Variants in ASIC1 observed in about 807,000 individuals in gnomAD.
ASIC1 encodes acid-sensing ion channel 1.
A neutral mutation model predicts 63.4 loss-of-function variants in ASIC1; 21 were observed. The ratio of observed to expected loss-of-function variants is 0.33; its 90% confidence interval spans 0.23 to 0.48. The LOEUF (loss-of-function observed/expected upper bound fraction) is 0.48. Among genes scored for constraint, ASIC1 ranks in the 20% least tolerant of loss-of-function variants. The probability of loss-of-function intolerance (pLI) is 0.99; values close to 1 mark genes in which losing one functional copy is unlikely to be tolerated. For missense variants in ASIC1, 478 were observed against 695.5 expected, an observed-to-expected ratio of 0.69 and a Z score of 3.52; for synonymous variants, 258 against 278.2, an observed-to-expected ratio of 0.93 and a Z score of 0.72.
In ASIC1 at chr12:50,081,951, A is replaced by G. The variant is rs974958768; in HGVS notation, c.*302A>G. On this transcript the variant is annotated 3_prime_UTR_variant, in exon 12 of 12. Transcript: ENST00000447966. ...CTAGCTCCCAGCCTGAATTCTGTCT[A>G]TCTAGCTGTCTGCCATCTGAGTGTC... 1.0e-5 allele frequency: 4 copies of G among 401,288 alleles called. No individual in the cohort carries two copies. In the Admixed American group the frequency reaches 1.3e-4, roughly 13 times the overall value. 24.9% of individuals were successfully genotyped at this position (401,288 alleles called of 1,614,324 possible).
intron 3 of ASIC1, among the ~76,000 whole-genome samples, chr12:50,062,678 A>G (rs1345091396): frequency 4.6e-5 from 7 of 152,160 alleles, no homozygotes; most frequent in Non-Finnish European, 4.4e-5. Flanking sequence ...CTTCTCAACA[A>G]TAAGAACCCT....
intron 4 of ASIC1, 77 bp downstream of exon 4, chr12:50,077,440 G>T (rs1565731734): frequency 2.5e-6 from 4 of 1,584,434 alleles, no homozygotes; most frequent in Admixed American, 3.6e-5. Flanking sequence ...GGGCTTCACT[G>T]TGAGACCTGG....
At chr12:50,077,041 C>A in intron 3 of ASIC1, 172 bp from the exon 4 acceptor site, 1 of 1,116,554 alleles carries the variant, frequency 9.0e-7, no homozygotes, top group Non-Finnish European at 1.3e-6. Context: ...ACACAGAGGG[C>A]AAGAAAGGGT....
At position 50,078,870 on chromosome 12, in the gene ASIC1, A is replaced by G; in HGVS notation, c.995-54A>G. 1 of 1,583,746 alleles carries G rather than the reference A, an allele frequency of 6.3e-7. No homozygotes were observed. Among genetic ancestry groups the G allele is most frequent in the Non-Finnish European group, 8.7e-7 (1 of 1,152,552 alleles). On this transcript the variant is annotated intron_variant, in intron 6 of 11. Coordinates refer to ENST00000447966, the MANE Select transcript of ASIC1 (RefSeq NM_001095.4). The surrounding 1 kb of genome is among the most constrained non-coding windows in gnomAD (Gnocchi z 6.0). ...CTTCTAGGCCTTTGGTACTACCACC[A>G]TCACCAGACCCCTTGAATTCCCATC...
Position 50,067,552 on chromosome 12 carries a change from A to G in ASIC1, c.558+7598A>G, listed in dbSNP as rs139459261. ...AGCCTCCTGAGTAGCTGGATTACAGATGCGTGCCACCATGCGCGGCTATTT... is the reference window on the plus strand; with the variant it reads ...AGCCTCCTGAGTAGCTGGATTACAGGTGCGTGCCACCATGCGCGGCTATTT... On this transcript the variant is annotated intron_variant, in intron 3 of 11. Transcript: ENST00000447966. Among the ~76,000 whole-genome samples, 514 of 151,966 alleles carry G rather than the reference A, an allele frequency of 3.4e-3. 19 individuals are homozygous for G. In the East Asian group the frequency reaches 0.087, roughly 26 times the overall value.
rs778975017 is a variant in ASIC1, at chr12:50,077,242, G to A, written c.588G>A (p.Thr196=). ...TCACACGCTATGGAAAGTGCTACAC[G>A]TTCAACTCGGGCCGAGATGGGCGGC... ...VVFTRYGKCY[T]FNSGRDGRPR... is the part of the protein sequence containing the mutation. Residue 196 remains threonine, a synonymous_variant, in exon 4 of 12, where the codon ACG becomes ACA. Transcript: ENST00000447966. 46 of 1,613,104 alleles carry A rather than the reference G, an allele frequency of 2.9e-5. No individual in the cohort carries two copies. The highest frequency in any genetic ancestry group is 6.6e-5 in the South Asian group (6 of 90,916).
At chr12:50,060,584 G>T (rs768455887) in intron 3 of ASIC1, among the ~76,000 whole-genome samples, 12 of 152,174 alleles carry the variant, frequency 7.9e-5, no homozygotes, top group Admixed American at 2.0e-4. Context: ...GGCAAGAGCC[G>T]CAGAGCCAGG....
rs1223927361 is a variant in ASIC1, at chr12:50,069,316, C to G, written c.559-7897C>G. 4.0e-5 allele frequency among the ~76,000 whole-genome samples: 6 copies of G among 150,248 alleles called. No individual in the cohort carries two copies. The East Asian group carries it at 1.2e-3, about 29-fold the overall frequency. On this transcript the variant is annotated intron_variant, in intron 3 of 11. Coordinates refer to ENST00000447966, the MANE Select transcript of ASIC1 (RefSeq NM_001095.4). ...TATTATTTAATTTATTTTTTTGAGACAGAATCTCGTTCTATTGCCTGGGCT... is the reference window on the plus strand; with the variant it reads ...TATTATTTAATTTATTTTTTTGAGAGAGAATCTCGTTCTATTGCCTGGGCT...
intron 11 of ASIC1, 33 bp from the exon 12 acceptor site, chr12:50,081,512 A>G (rs1232387354): frequency 6.1e-6 from 9 of 1,479,374 alleles, no homozygotes; most frequent in Middle Eastern, 1.8e-4. Flanking sequence ...CTTCCGAGGG[A>G]TAACCCGTCC....
At position 50,057,924 on chromosome 12, in the gene ASIC1, T is replaced by C. The variant is rs1253347319; in HGVS notation, c.-17+8T>C. The C allele has an allele frequency of 6.6e-6, 1 of 151,422 alleles. No homozygotes were observed. Among genetic ancestry groups the C allele is most frequent in the Non-Finnish European group, 1.5e-5 (1 of 67,860 alleles). The allele number at this position is 151,422 out of a possible 1,614,324, so 9.4% of individuals were successfully genotyped here. A position where few individuals can be genotyped will look rare whatever the true frequency, so the allele number is the denominator to read the frequency against. ...TTGCCGAAGCCCCCTCAGGTGGGTT[T>C]CCGATACCCCTGCCTTTGGCCGCGA... On this transcript the variant is annotated splice_region_variant and intron_variant, in intron 1 of 11. Coordinates refer to ENST00000447966, the MANE Select transcript of ASIC1 (RefSeq NM_001095.4). The surrounding 1 kb of genome is among the most constrained non-coding windows in gnomAD (Gnocchi z 4.7).
At chr12:50,066,180 A>G (rs1466863093) in intron 3 of ASIC1, among the ~76,000 whole-genome samples, 2 of 152,180 alleles carry the variant, frequency 1.3e-5, no homozygotes, top group African/African-American at 4.8e-5. Flanking sequence ...AATTCCCTTT[A>G]CTTTAGCTCA....
At position 50,077,115 on chromosome 12, in the gene ASIC1, G is replaced by A; in HGVS notation, c.559-98G>A. 1.9e-6 allele frequency: 3 copies of A among 1,576,764 alleles called. No homozygotes were observed. The South Asian group carries it at 3.3e-5, about 18-fold the overall frequency. On this transcript the variant is annotated intron_variant, in intron 3 of 11. Transcript: ENST00000447966. ...CTGCACGGGAGGAACCATTCCCAAA[G>A]GGTGTTGAGATTCCAACAGCTGGGG... is the stretch of plus-strand genomic sequence containing the variant.
intron 3 of ASIC1, among the ~76,000 whole-genome samples, chr12:50,075,863 G>A (rs932121761): frequency 6.6e-6 from 1 of 152,182 alleles, no homozygotes; most frequent in African/African-American, 2.4e-5. Flanking sequence ...AAGGATAACT[G>A]GTTTACTTTT....
rs1460128387 is a variant in ASIC1 at position 50,074,607 on chromosome 12, C to T, written c.559-2606C>T. Among the ~76,000 whole-genome samples, 1 of 152,178 alleles carries T rather than the reference C, an allele frequency of 6.6e-6. No individual in the cohort carries two copies. Among genetic ancestry groups the T allele is most frequent in the Non-Finnish European group, 1.5e-5 (1 of 68,040 alleles). The stretch of plus-strand genomic sequence containing the variant: ...TCCATCTGTGAGGTCAACCTTTGAT[C>T]TGTTGGTGGACGCCAGTGCCTGGCC... On this transcript the variant is annotated intron_variant, in intron 3 of 11. Transcript: ENST00000447966. The surrounding 1 kb of genome is among the most constrained non-coding windows in gnomAD (Gnocchi z 4.2).
chr12:50,078,698 T>A lies in ASIC1; in HGVS notation c.994+121T>A, dbSNP rs1165796706. On this transcript the variant is annotated intron_variant, in intron 6 of 11. Transcript: ENST00000447966. The surrounding 1 kb of genome is among the most constrained non-coding windows in gnomAD (Gnocchi z 6.0). The stretch of plus-strand genomic sequence containing the variant: ...CAGCCCACCCCATCCCACACCCACC[T>A]GGCTCATGTCTCTCTGACCTCAGTT... The A allele has an allele frequency of 6.8e-7, 1 of 1,469,280 alleles. No homozygotes were observed. The highest frequency in any genetic ancestry group is 9.4e-7 in the Non-Finnish European group (1 of 1,069,388). 91.0% of individuals were successfully genotyped at this position (1,469,280 alleles called of 1,614,324 possible).
Position 50,078,159 on chromosome 12 carries a change from TG to T in ASIC1, c.837+36del. ...GGGCCATGGGAGGCTGGTCCTGGGG[TG>T]GGGTATTGAGGGGTCCAGATGGAGT... On this transcript the variant is annotated intron_variant, in intron 5 of 11. Coordinates refer to ENST00000447966, the MANE Select transcript of ASIC1 (RefSeq NM_001095.4). The surrounding 1 kb of genome is among the most constrained non-coding windows in gnomAD (Gnocchi z 6.0). 6.2e-7 allele frequency: 1 copy of T among 1,601,110 alleles called. No individual in the cohort carries two copies. The highest frequency in any genetic ancestry group is 8.5e-7 in the Non-Finnish European group (1 of 1,174,244).
At chr12:50,073,876 C>A in intron 3 of ASIC1, 1 of 1,533,248 alleles carries the variant, frequency 6.5e-7, no homozygotes, top group Non-Finnish European at 8.7e-7. Flanking sequence ...GGCCTTTGTC[C>A]TGGCACTGGG....
chr12:50,058,680 C>T, intron 1 of ASIC1, 71 bp from the exon 2 acceptor site: 1 of 1,500,850 alleles, frequency 6.7e-7, no homozygotes, highest in Non-Finnish European at 8.9e-7. Flanking sequence ...TCTGGATGGG[C>T]ACATGTGGAG....
At chr12:50,081,223 G>A (rs531036177) in intron 10 of ASIC1, 37 bp from the exon 11 acceptor site, 9 of 1,605,404 alleles carry the variant, frequency 5.6e-6, no homozygotes. Context: ...CGTGGGGGCG[G>A]GGTCCAGCCC....
Sources: gnomAD v4.1 joint callset for allele counts (sites outside exome capture counted in the v4.1 genomes callset) on GRCh38, gnomAD v4.1.1 for gene constraint, Gnocchi (gnomAD v3.1) non-coding constraint, MANE v1.5 for transcripts, NCBI Gene and HGNC (gene_info 2026-07-23, HGNC 2026-07-21) for gene names.